The following FMO4 variants were observed in gnomAD, a reference collection of about 807,000 sequenced individuals.
FMO4 encodes the protein dimethylaniline monooxygenase [N-oxide-forming] 4.
FMO4 carries 38 observed loss-of-function variants against 43.3 expected under a neutral mutation model. The ratio of observed to expected loss-of-function variants is 0.88; its 90% CI spans 0.68 to 1.15. The LOEUF is 1.15. FMO4 is among the 50% of genes most tolerant of loss of function. The probability of loss-of-function intolerance (pLI) is 0.00; values close to 1 mark genes in which losing one functional copy is unlikely to be tolerated. For missense variants in FMO4, 631 were observed against 663.3 expected (o/e 0.95, Z 0.54); for synonymous variants, 224 against 232.2 (o/e 0.96, Z 0.32).
At chr1:171,324,715 T>G (rs898856301) in intron 5 of FMO4, among the ~76,000 whole-genome samples, 3 of 152,102 alleles carry the variant, frequency 2.0e-5, no homozygotes, top group Non-Finnish European at 2.9e-5. Flanking sequence ...AAATTAAACA[T>G]GTAAAGCAAT....
intron 5 of FMO4, among the ~76,000 whole-genome samples, chr1:171,328,263 G>A (rs1361334928): frequency 2.0e-5 from 3 of 151,974 alleles, no homozygotes; most frequent in Non-Finnish European, 2.9e-5. Context: ...GGCTGGTCTC[G>A]AACTCCTGAC....
Position 171,334,436 on chromosome 1 carries a change from G to C in FMO4, c.853G>C (p.Asp285His), listed in dbSNP as rs769736989. 4 of 1,585,076 alleles carry C rather than the reference G, an allele frequency of 2.5e-6. No homozygotes were observed. The highest frequency in any genetic ancestry group is 3.4e-6 in the Non-Finnish European group (4 of 1,169,040). ...KGKKAKFIVN[D>H]ELPNCILCGA... ...GAAAAAAGCAAAATTCATTGTGAAT[G>C]ATGAGCTGCCAAACTGTATCCTCTG... Residue 285 changes from aspartate to histidine, a missense_variant, in exon 8 of 10, where the codon GAT becomes CAT. Physicochemically the swap from Asp to His is moderately conservative, Grantham distance 81. Transcript: ENST00000367749.
rs773207586 is a variant in FMO4, at chr1:171,341,711, G to A, written c.1549G>A (p.Ala517Thr). Reference sequence around the variant, plus strand: ...TGCCTCCATGTCACATTATTTAAAAGCCTGGGGGGCACCTGTCCTACTTGC... The same window carrying A: ...TGCCTCCATGTCACATTATTTAAAAACCTGGGGGGCACCTGTCCTACTTGC... ...KPASMSHYLK[A>T]WGAPVLLASL... Residue 517 changes from alanine to threonine, a missense_variant, in exon 10 of 10, where the codon GCC becomes ACC. Coordinates refer to ENST00000367749, the MANE Select transcript of FMO4 (RefSeq NM_002022.3). 1.2e-6 allele frequency: 2 copies of A among 1,613,860 alleles called. No individual in the cohort carries two copies. The highest frequency in any genetic ancestry group is 2.2e-5 in the South Asian group (2 of 91,080).
intron 8 of FMO4, among the ~76,000 whole-genome samples, chr1:171,336,961 G>GCACACACACACACA (rs35512975): frequency 6.8e-6 from 1 of 147,028 alleles, no homozygotes; most frequent in African/African-American, 2.5e-5. Flanking sequence ...ACACAAACAT[G>GCACACACACACACA]CACACACACA....
chr1:171,318,644 A>AAAGTTTTGGATTTTGGAGTATTTC (rs145806550), intron 2 of FMO4, among the ~76,000 whole-genome samples: 5,919 of 152,124 alleles, frequency 0.039, 220 homozygotes, highest in Admixed American at 0.11. Context: ...CAGTATTCAA[A>AAAGTTTTGGATTTTGGAGTATTTC]AAGTTTTGGA....
At chr1:171,327,110 C>T (rs1662699478) in intron 5 of FMO4, among the ~76,000 whole-genome samples, 1 of 152,164 alleles carries the variant, frequency 6.6e-6, no homozygotes, top group African/African-American at 2.4e-5. Flanking sequence ...AGTAAATTCC[C>T]TCCAGGAAAA....
intron 5 of FMO4, among the ~76,000 whole-genome samples, chr1:171,330,475 T>C (rs1662851012): frequency 6.6e-6 from 1 of 152,162 alleles, no homozygotes; most frequent in African/African-American, 2.4e-5. Context: ...AGGAAAGAAG[T>C]TTAATTGACT....
rs747937384 is a variant in FMO4 at position 171,341,711 on chromosome 1, GC to G, written c.1551del (p.Trp518GlyfsTer20). ...TGCCTCCATGTCACATTATTTAAAAGCCTGGGGGGCACCTGTCCTACTTGCC... is the reference window on the plus strand; with the variant it reads ...TGCCTCCATGTCACATTATTTAAAAGCTGGGGGGCACCTGTCCTACTTGCC... Reference protein sequence around the residue: ...KPASMSHYLKAWGAPVLLASL... With the variant: ...KPASMSHYLKXWGAPVLLASL... On this transcript the variant is annotated frameshift_variant, in exon 10 of 10. Coordinates refer to ENST00000367749, the MANE Select transcript of FMO4 (RefSeq NM_002022.3). LOFTEE classifies it low-confidence loss of function (END_TRUNC). 7.4e-6 allele frequency: 12 copies of G among 1,613,742 alleles called. No homozygotes were observed. Among genetic ancestry groups the G allele is most frequent in the African/African-American group, 2.7e-5 (2 of 74,882 alleles).
intron 8 of FMO4, among the ~76,000 whole-genome samples, chr1:171,336,561 G>T (rs1172189920): frequency 2.0e-5 from 3 of 152,090 alleles, no homozygotes; most frequent in Non-Finnish European, 4.4e-5. Context: ...CACACATGAG[G>T]CTCCTTGTGT....
chr1:171,329,861 G>A (rs769765386), intron 5 of FMO4, among the ~76,000 whole-genome samples: 14 of 152,178 alleles, frequency 9.2e-5, no homozygotes, highest in Admixed American at 3.9e-4. Flanking sequence ...CTTGGACTGC[G>A]GGAACTATTG....
At chr1:171,335,383 A>G (rs1464835038) in intron 8 of FMO4, among the ~76,000 whole-genome samples, 1 of 152,238 alleles carries the variant, frequency 6.6e-6, no homozygotes, top group Non-Finnish European at 1.5e-5. Context: ...CAAAGCAATT[A>G]GCACAGTACT....
chr1:171,336,195 C>G (rs1663107637), intron 8 of FMO4, among the ~76,000 whole-genome samples: 1 of 151,892 alleles, frequency 6.6e-6, no homozygotes, highest in South Asian at 2.1e-4. Context: ...GCAGGACTGG[C>G]CAGAATGGGA....
intron 2 of FMO4, among the ~76,000 whole-genome samples, chr1:171,317,652 G>A (rs1185799554): frequency 2.0e-5 from 3 of 152,120 alleles, no homozygotes; most frequent in East Asian, 3.9e-4. Flanking sequence ...TCCAGTTCCC[G>A]CTGACAAGCA....
intron 9 of FMO4, 114 bp from the exon 10 acceptor site, chr1:171,341,299 T>C: frequency 1.4e-6 from 1 of 736,762 alleles, no homozygotes; most frequent in Non-Finnish European, 2.2e-6. Context: ...CAAATATGGT[T>C]TGATTTCCCC....
At chr1:171,338,035 C>G (rs929784506) in intron 9 of FMO4, among the ~76,000 whole-genome samples, 3 of 152,180 alleles carry the variant, frequency 2.0e-5, no homozygotes, top group African/African-American at 4.8e-5. Flanking sequence ...CTCCGCCCCC[C>G]ATCTGCCCTG....
At chr1:171,321,246 A>T (rs1473852360) in intron 3 of FMO4, among the ~76,000 whole-genome samples, 1 of 152,186 alleles carries the variant, frequency 6.6e-6, no homozygotes, top group Non-Finnish European at 1.5e-5. Flanking sequence ...AAAGAAAAAT[A>T]TAAATTAAGT....
chr1:171,335,053 A>G (rs926700316), intron 8 of FMO4, among the ~76,000 whole-genome samples: 9 of 152,224 alleles, frequency 5.9e-5, no homozygotes, highest in African/African-American at 2.2e-4. Flanking sequence ...AGCCTAGTCT[A>G]ATCTATCTAC....
intron 8 of FMO4, among the ~76,000 whole-genome samples, chr1:171,335,704 G>A (rs979431530): frequency 3.9e-5 from 6 of 151,954 alleles, no homozygotes; most frequent in Non-Finnish European, 5.9e-5. Flanking sequence ...AAAACCGTAC[G>A]TTCTCCTAAG....
chr1:171,336,884 G>A (rs937747362), intron 8 of FMO4, among the ~76,000 whole-genome samples: 1 of 152,034 alleles, frequency 6.6e-6, no homozygotes, highest in Non-Finnish European at 1.5e-5. Flanking sequence ...TTATAGGCAT[G>A]AGCCACTATG....
Sources: gnomAD v4.1 joint callset for allele counts (sites outside exome capture counted in the v4.1 genomes callset) on GRCh38, gnomAD v4.1.1 for gene constraint, MANE v1.5 for transcripts, NCBI Gene and HGNC (gene_info 2026-07-23, HGNC 2026-07-21) for gene names.